KLF8: variants seen among roughly 807,000 people sequenced by gnomAD.
KLF8 encodes the protein Krueppel-like factor 8.
Under a neutral mutation model 18.2 loss-of-function variants are expected in KLF8, and 10 were observed. The ratio of observed to expected loss-of-function variants is 0.55; its 90% CI spans 0.34 to 0.93. The LOEUF is 0.93. KLF8 is among the 40% of genes least tolerant of loss of function. The pLI, the probability that KLF8 is intolerant of heterozygous loss-of-function variation, is 0.02. For synonymous variants in KLF8, 109 were observed against 97.3 expected (o/e 1.12, Z -0.71); for missense variants, 264 against 277.9 (o/e 0.95, Z 0.36).
In KLF8 at chrX:56,243,192, C is replaced by T. The variant is rs2066570973; in HGVS notation, c.8-7039C>T. ...GGAAACTTGGTGATAGCATAGTAGT[C>T]AAGCTTGTTTCTCCTGGGGGCACTC... On this transcript the variant is annotated intron_variant, in intron 1 of 5. Coordinates refer to ENST00000468660, the MANE Select transcript of KLF8 (RefSeq NM_007250.5). The T allele has an allele frequency of 6.0e-6, 3 of 499,602 alleles. No individual in the cohort carries two copies. The Admixed American group carries it at 6.9e-5, about 12-fold the overall frequency. 41.2% of individuals were successfully genotyped at this position (499,602 alleles called of 1,213,427 possible).
intron 5 of KLF8, among the ~76,000 whole-genome samples, chrX:56,280,039 A>G (rs748196006): frequency 9.1e-6 from 1 of 110,450 alleles, no homozygotes; most frequent in South Asian, 3.8e-4. Context: ...GAGCCATAAG[A>G]CTCTTTGCTT....
intron 5 of KLF8, among the ~76,000 whole-genome samples, chrX:56,277,913 C>A (rs937814068): frequency 8.9e-6 from 1 of 112,435 alleles, no homozygotes; most frequent in Non-Finnish European, 1.9e-5. Context: ...GCCAGAGGAG[C>A]CTCACCCCTT....
the KLF8 span, among the ~76,000 whole-genome samples, chrX:56,116,149 C>A: frequency 8.9e-6 from 1 of 112,832 alleles, no homozygotes; most frequent in African/African-American, 3.2e-5. Flanking sequence ...TACTACATGG[C>A]GTGAAACTGC....
At chrX:56,005,918 C>T in the KLF8 span, among the ~76,000 whole-genome samples, 6 of 111,925 alleles carry the variant, frequency 5.4e-5, no homozygotes, top group Non-Finnish European at 9.4e-5. Flanking sequence ...ATAATGAGGA[C>T]CCTTTGGAAG....
chrX:56,209,864 C>T, the KLF8 span, among the ~76,000 whole-genome samples: 1 of 111,281 alleles, frequency 9.0e-6, no homozygotes, highest in African/African-American at 3.3e-5. Flanking sequence ...TTATTTTAAC[C>T]CAATAACAGT....
the KLF8 span, among the ~76,000 whole-genome samples, chrX:55,997,429 A>C: frequency 7.2e-5 from 8 of 111,781 alleles, no homozygotes; most frequent in South Asian, 7.4e-4. Context: ...AGTCTCCTGC[A>C]GCTAGGTTTC....
the KLF8 span, among the ~76,000 whole-genome samples, chrX:56,051,470 A>G: frequency 9.1e-6 from 1 of 110,082 alleles, no homozygotes; most frequent in African/African-American, 3.3e-5. Context: ...CCTGGTGGTG[A>G]CAAAATCTCT....
the KLF8 span, among the ~76,000 whole-genome samples, chrX:56,040,933 G>A: frequency 5.9e-5 from 5 of 84,434 alleles, no homozygotes; most frequent in South Asian, 1.9e-3. Flanking sequence ...TTATTGCCTC[G>A]ATTTCAGAAC....
At chrX:56,115,412 G>C in the KLF8 span, among the ~76,000 whole-genome samples, 1 of 112,029 alleles carries the variant, frequency 8.9e-6, no homozygotes, top group African/African-American at 3.2e-5. Flanking sequence ...CTGGAAAGGA[G>C]CATCTGCTGA....
the KLF8 span, among the ~76,000 whole-genome samples, chrX:56,187,319 C>G: frequency 9.0e-6 from 1 of 111,374 alleles, no homozygotes; most frequent in Middle Eastern, 4.2e-3. Flanking sequence ...CAAGACTAAA[C>G]CAGGAAGAAG....
chrX:55,926,592 G>C, the KLF8 span, among the ~76,000 whole-genome samples: 1 of 110,589 alleles, frequency 9.0e-6, no homozygotes, highest in South Asian at 3.8e-4. Context: ...TTTGCATATG[G>C]GGGCTAACAC....
the KLF8 span, among the ~76,000 whole-genome samples, chrX:56,055,534 A>G: frequency 9.0e-6 from 1 of 111,591 alleles, no homozygotes; most frequent in Admixed American, 9.5e-5. Flanking sequence ...TCTGATGATT[A>G]TGTTGCTTGG....
the KLF8 span, among the ~76,000 whole-genome samples, chrX:55,947,563 A>C: frequency 1.8e-5 from 2 of 109,797 alleles, no homozygotes; most frequent in African/African-American, 3.3e-5. Flanking sequence ...GGTGCAGCAC[A>C]CCAGCATGGC....
Position 56,233,220 on chromosome X carries a change from A to G in KLF8, c.-115A>G, listed in dbSNP as rs1459194583. ...AGACGAGAACGCGTCGCCCTGCGCT[A>G]TGTCAGAATGGGGCGGGTGTGAGGG... On this transcript the variant is annotated 5_prime_UTR_variant, in exon 1 of 6. An upstream start codon of the reference 5' UTR is lost. Coordinates refer to ENST00000468660, the MANE Select transcript of KLF8 (RefSeq NM_007250.5). 12 of 878,511 alleles carry G rather than the reference A, an allele frequency of 1.4e-5. No homozygotes were observed. The highest frequency in any genetic ancestry group is 2.0e-5 in the Non-Finnish European group (12 of 599,958). The allele number at this position is 878,511 out of a possible 1,213,427, so 72.4% of individuals were successfully genotyped here.
chrX:56,052,992 A>T, the KLF8 span, among the ~76,000 whole-genome samples: 4 of 111,960 alleles, frequency 3.6e-5, no homozygotes, highest in Non-Finnish European at 5.6e-5. Flanking sequence ...TAAGCCCGTC[A>T]GAAAAGCGCA....
chrX:55,925,797 G>T, the KLF8 span, among the ~76,000 whole-genome samples: 1 of 111,928 alleles, frequency 8.9e-6, no homozygotes, highest in South Asian at 3.8e-4. Context: ...ATAAGGGATG[G>T]TCCAAAGTCA....
the KLF8 span, among the ~76,000 whole-genome samples, chrX:56,177,852 G>A: frequency 8.9e-6 from 1 of 112,002 alleles, no homozygotes; most frequent in African/African-American, 3.2e-5. Flanking sequence ...ATCTCAGACT[G>A]CTGTGCTAGC....
chrX:56,011,158 C>G, the KLF8 span, among the ~76,000 whole-genome samples: 2 of 112,307 alleles, frequency 1.8e-5, no homozygotes, highest in Admixed American at 1.9e-4. Context: ...CCAAAAACAA[C>G]AGAGTATGCA....
chrX:56,269,205 T>G, intron 3 of KLF8, 173 bp from the exon 4 acceptor site: 1 of 1,008,176 alleles, frequency 9.9e-7, no homozygotes, highest in Non-Finnish European at 1.3e-6. Context: ...AAAAAAAAAA[T>G]AAAATGTTAT....
Sources: gnomAD v4.1 joint callset for allele counts (sites outside exome capture counted in the v4.1 genomes callset) on GRCh38, gnomAD v4.1.1 for gene constraint, MANE v1.5 for transcripts, NCBI Gene and HGNC (gene_info 2026-07-23, HGNC 2026-07-21) for gene names.